The following SYTL2 variants were observed in gnomAD, a reference collection of about 807,000 sequenced individuals.
The protein encoded by SYTL2 is synaptotagmin like 2, also known as synaptotagmin-like protein 2.
In SYTL2, 165 loss-of-function variants were observed where a neutral mutation model predicts 198.7. The observed-to-expected ratio is 0.83, with a 90% CI of 0.73 to 0.94. SYTL2 has a LOEUF of 0.94. SYTL2 is among the 40% of genes least tolerant of loss of function. The pLI is 0.00. For missense variants in SYTL2, 2,835 were observed against 2,582.8 expected (o/e 1.10, Z -2.12); for synonymous variants, 966 against 917.7 (o/e 1.05, Z -0.95).
chr11:85,794,916 T>C (rs1238738326), intron 1 of SYTL2, among the ~76,000 whole-genome samples: 1 of 151,958 alleles, frequency 6.6e-6, no homozygotes, highest in Non-Finnish European at 1.5e-5. Flanking sequence ...AATAAAGAGA[T>C]GGTCTTTCAA....
chr11:85,815,325 G>A (rs2093060099), upstream of SYTL2, among the ~76,000 whole-genome samples: 2 of 152,146 alleles, frequency 1.3e-5, no homozygotes. Flanking sequence ...TATCTGGCAT[G>A]GTAATGTGGT....
At chr11:85,717,226 C>T (rs1352543968) in intron 11 of SYTL2, 3 of 216,704 alleles carry the variant, frequency 1.4e-5, no homozygotes, top group East Asian at 1.1e-4. Flanking sequence ...GACAAAAGCA[C>T]AATAATATCA....
chr11:85,828,073 C>A, the SYTL2 span, among the ~76,000 whole-genome samples: 1 of 152,092 alleles, frequency 6.6e-6, no homozygotes, highest in Non-Finnish European at 1.5e-5. Flanking sequence ...GTTTGGCATT[C>A]CTACTAGATT....
At chr11:85,791,152 G>T (rs1226714163) in intron 1 of SYTL2, among the ~76,000 whole-genome samples, 1 of 100,502 alleles carries the variant, frequency 1.0e-5, no homozygotes, top group Non-Finnish European at 1.8e-5. Context: ...GGGCAGCAGA[G>T]CTAGAGTCTG....
chr11:85,796,208 A>C (rs2092801817), intron 1 of SYTL2, among the ~76,000 whole-genome samples: 1 of 152,204 alleles, frequency 6.6e-6, no homozygotes, highest in Non-Finnish European at 1.5e-5. Flanking sequence ...GCAAATATTT[A>C]ACTTCTCCAA....
At chr11:85,805,596 G>T (rs1463190814) in intron 1 of SYTL2, among the ~76,000 whole-genome samples, 1 of 152,178 alleles carries the variant, frequency 6.6e-6, no homozygotes, top group Non-Finnish European at 1.5e-5. Flanking sequence ...AGAGGCAGGA[G>T]AGTCCAGGCT....
chr11:85,771,819 T>C (rs550224696), intron 1 of SYTL2, among the ~76,000 whole-genome samples: 1 of 152,134 alleles, frequency 6.6e-6, no homozygotes, highest in Non-Finnish European at 1.5e-5. Flanking sequence ...CTACCCTCTT[T>C]GCTGAATCAC....
the SYTL2 span, among the ~76,000 whole-genome samples, chr11:85,835,570 C>T: frequency 3.9e-5 from 6 of 152,266 alleles, no homozygotes; most frequent in East Asian, 1.2e-3. Flanking sequence ...TTGGGCCTGT[C>T]AAGGTCCTAT....
At chr11:85,842,310 G>GT in the SYTL2 span, among the ~76,000 whole-genome samples, 4 of 152,202 alleles carry the variant, frequency 2.6e-5, no homozygotes, top group African/African-American at 9.7e-5. Flanking sequence ...CCTGCAGTGG[G>GT]TAGGGGCATG....
At chr11:85,817,349 C>A in the SYTL2 span, among the ~76,000 whole-genome samples, 1 of 152,166 alleles carries the variant, frequency 6.6e-6, no homozygotes, top group African/African-American at 2.4e-5. Context: ...TGGTAGCCAC[C>A]AGCCCCCTGG....
At chr11:85,836,119 C>T in the SYTL2 span, among the ~76,000 whole-genome samples, 1 of 152,154 alleles carries the variant, frequency 6.6e-6, no homozygotes, top group Admixed American at 6.5e-5. Flanking sequence ...TCCAAACAAA[C>T]ATATAACTAA....
chr11:85,783,296 C>T (rs757086765), intron 1 of SYTL2, among the ~76,000 whole-genome samples: 9 of 152,088 alleles, frequency 5.9e-5, no homozygotes, highest in Non-Finnish European at 1.2e-4. Context: ...CATCAGATCT[C>T]GTGAGAACTC....
intron 1 of SYTL2, among the ~76,000 whole-genome samples, chr11:85,786,924 C>T (rs2092645024): frequency 6.6e-6 from 1 of 152,124 alleles, no homozygotes; most frequent in African/African-American, 2.4e-5. Flanking sequence ...AATGCTCAAC[C>T]CAGAGTAGAG....
At chr11:85,792,780 C>T (rs1324366542) in intron 1 of SYTL2, among the ~76,000 whole-genome samples, 2 of 150,082 alleles carry the variant, frequency 1.3e-5, no homozygotes, top group African/African-American at 2.4e-5. Context: ...CCTCCCCGCT[C>T]CCCACACCCC....
chr11:85,706,548 T>C (rs1408052123), intron 15 of SYTL2, among the ~76,000 whole-genome samples: 1 of 152,182 alleles, frequency 6.6e-6, no homozygotes, highest in Non-Finnish European at 1.5e-5. Context: ...AAATAATGTG[T>C]GGAAGAATAT....
At position 85,696,222 on chromosome 11, in the gene SYTL2, T is replaced by C. The variant is rs1278552371; in HGVS notation, c.6535A>G (p.Asn2179Asp). The C allele has an allele frequency of 6.2e-7, 1 of 1,614,102 alleles. No homozygotes were observed. Among genetic ancestry groups the C allele is most frequent in the African/African-American group, 1.3e-5 (1 of 75,036 alleles). Reference sequence around the variant, plus strand: ...ATACGAAGACCTCCCAAAAATTGGTTGGTTAATTTGTAATGGTCCCAGACA... The same window carrying C: ...ATACGAAGACCTCCCAAAAATTGGTCGGTTAATTTGTAATGGTCCCAGACA... ...LTVWDHYKLT[N>D]QFLGGLRIGF... The change falls in exon 19 of 20, where the codon AAC becomes GAC. Residue 2179 changes from asparagine to aspartate, a missense_variant. Physicochemically the swap from Asn to Asp is conservative, Grantham distance 23. Around this residue, in one of 3 missense-constraint regions of SYTL2, gnomAD observed 185 missense variants for 182.1 expected, o/e 1.02. Coordinates refer to ENST00000359152, the MANE Select transcript of SYTL2 (RefSeq NM_206927.4).
the SYTL2 span, among the ~76,000 whole-genome samples, chr11:85,838,506 T>C: frequency 6.6e-6 from 1 of 152,164 alleles, no homozygotes; most frequent in Non-Finnish European, 1.5e-5. Flanking sequence ...GGTGCCAGCA[T>C]CTGCTTGGCC....
rs1483290035 is a variant in SYTL2, at chr11:85,718,862, C to T, written c.5429-19G>A. 1 of 1,612,744 alleles carries T rather than the reference C, an allele frequency of 6.2e-7. No individual in the cohort carries two copies. The highest frequency in any genetic ancestry group is 1.1e-5 in the South Asian group (1 of 90,912). ...GCTTGATCTGTTCAGAAGAAATTAA[C>T]AAATGGTTAACATGGCTGACCCTTG... is the stretch of plus-strand genomic sequence containing the variant. On this transcript the variant is annotated intron_variant, in intron 9 of 19. Coordinates refer to ENST00000359152, the MANE Select transcript of SYTL2 (RefSeq NM_206927.4).
chr11:85,770,908 G>A (rs1180481194), intron 1 of SYTL2, among the ~76,000 whole-genome samples: 1 of 152,148 alleles, frequency 6.6e-6, no homozygotes, highest in Non-Finnish European at 1.5e-5. Context: ...AGATAGACCC[G>A]AATATAATGT....
Sources: gnomAD v4.1 joint callset for allele counts (sites outside exome capture counted in the v4.1 genomes callset) on GRCh38, gnomAD v4.1.1 for gene constraint, gnomAD v4.1.1 regional missense constraint, MANE v1.5 for transcripts, NCBI Gene and HGNC (gene_info 2026-07-23, HGNC 2026-07-21) for gene names.